RERE: variants seen among roughly 807,000 people sequenced by gnomAD.
The protein encoded by RERE is arginine-glutamic acid dipeptide repeats protein.
Under a neutral mutation model 146.1 loss-of-function variants are expected in RERE, and 40 were observed. That is an observed-to-expected ratio of 0.27 (90% CI 0.21 to 0.36). The LOEUF is 0.36. Among genes scored for constraint, RERE ranks in the 10% least tolerant of loss-of-function variants. RERE has a pLI of 1.00. For synonymous variants in RERE, 1,003 were observed against 866.0 expected, an observed-to-expected ratio of 1.16 and a Z score of -2.78; for missense variants, 1,933 against 2,138.7, an observed-to-expected ratio of 0.90 and a Z score of 1.90.
At chr1:8,382,729 TA>T (rs1366730446) in intron 12 of RERE, among the ~76,000 whole-genome samples, 2 of 152,088 alleles carry the variant, frequency 1.3e-5, no homozygotes, top group Admixed American at 1.3e-4. Flanking sequence ...GCAAATTCCC[TA>T]ACCTCTCTTG....
chr1:8,652,366 C>T (rs1647672725), intron 2 of RERE, among the ~76,000 whole-genome samples: 1 of 152,230 alleles, frequency 6.6e-6, no homozygotes, highest in South Asian at 2.1e-4. Context: ...CACTACCAGC[C>T]TCCACAAATA....
chr1:8,416,565 G>A (rs149875147), intron 12 of RERE, among the ~76,000 whole-genome samples: 6,587 of 127,174 alleles, frequency 0.052, 224 homozygotes, highest in Middle Eastern at 0.085. Context: ...CAGCCTGGGC[G>A]ACAGAGCGAG....
At chr1:8,500,501 T>G (rs924116604) in intron 8 of RERE, among the ~76,000 whole-genome samples, 1 of 152,194 alleles carries the variant, frequency 6.6e-6, no homozygotes, top group Non-Finnish European at 1.5e-5. Flanking sequence ...CGGAGTCTCG[T>G]TCACTCAGTG....
rs58647657 is a variant in RERE at position 8,507,737 on chromosome 1, C to CTTTTTTTTTTTTTTT, written c.879+875_879+889dup. Among the ~76,000 whole-genome samples, 83 of 85,942 alleles carry CTTTTTTTTTTTTTTT rather than the reference C, an allele frequency of 9.7e-4. 9 individuals are homozygous for CTTTTTTTTTTTTTTT. Among genetic ancestry groups the CTTTTTTTTTTTTTTT allele is most frequent in the African/African-American group, 2.3e-3 (47 of 20,032 alleles). 56.4% of individuals were successfully genotyped at this position (85,942 alleles called of 152,430 possible). ...AAAAGAGGTTTTAAACATCTTTTATCTTTTTTTTTTTTTTTTTTTGAGACA... is the reference window on the plus strand; with the variant it reads ...AAAAGAGGTTTTAAACATCTTTTATCTTTTTTTTTTTTTTTTTTTTTTTTTTTTTTTTTTGAGACA... On this transcript the variant is annotated intron_variant, in intron 8 of 22. Transcript: ENST00000400908.
chr1:8,387,136 C>T (rs903213300), intron 12 of RERE, among the ~76,000 whole-genome samples: 1 of 152,180 alleles, frequency 6.6e-6, no homozygotes, highest in Non-Finnish European at 1.5e-5. Flanking sequence ...GACAGAGAGA[C>T]CAACAGAACA....
chr1:8,656,788 A>T (rs902443337), intron 1 of RERE, among the ~76,000 whole-genome samples: 1 of 152,168 alleles, frequency 6.6e-6, no homozygotes, highest in African/African-American at 2.4e-5. Context: ...AACTCATAAT[A>T]TTAATTTAAA....
rs971868451 is a variant in RERE, at chr1:8,409,921, G to A, written c.1284+12806C>T. Among the ~76,000 whole-genome samples the A allele has an allele frequency of 1.3e-4, 19 of 149,634 alleles. No homozygotes were observed. The East Asian group carries it at 1.8e-3, about 14-fold the overall frequency. ...TTTGCTCAGGTCCATTCTAAGTGTC[G>A]AAATGGTGTAATTAATGGTTAGCCT... On this transcript the variant is annotated intron_variant, in intron 12 of 22. Transcript: ENST00000400908.
rs1434170631 is a variant in RERE at position 8,364,018 on chromosome 1, A to G, written c.1740+38T>C. 6.3e-7 allele frequency: 1 copy of G among 1,582,562 alleles called. No individual in the cohort carries two copies. The highest frequency in any genetic ancestry group is 8.7e-7 in the Non-Finnish European group (1 of 1,152,230). ...GCCCCCACACATCCCAGGAAACTGA[A>G]GAAGTTGCCAGGAGCCCCATGGCCC... On this transcript the variant is annotated intron_variant, in intron 15 of 22. Transcript: ENST00000400908. This position sits in a 1 kb window ranked among gnomAD's most constrained non-coding sequence, Gnocchi z 5.1.
chr1:8,373,904 T>C (rs1186977869), intron 12 of RERE, among the ~76,000 whole-genome samples: 1 of 152,204 alleles, frequency 6.6e-6, no homozygotes, highest in Non-Finnish European at 1.5e-5. Flanking sequence ...GTAACAACTC[T>C]GGTAATTAAA....
At chr1:8,635,028 C>T (rs540806801) in intron 2 of RERE, among the ~76,000 whole-genome samples, 64 of 152,340 alleles carry the variant, frequency 4.2e-4, no homozygotes, top group African/African-American at 1.4e-3. Flanking sequence ...AGCCACCGCG[C>T]CTGGCCTGAA....
intron 4 of RERE, among the ~76,000 whole-genome samples, chr1:8,590,297 C>T (rs1025049559): frequency 5.3e-5 from 8 of 152,022 alleles, no homozygotes; most frequent in East Asian, 3.8e-4. Flanking sequence ...AGGTGCCATT[C>T]GAACACCTGA....
chr1:8,393,657 C>T (rs1005990498), intron 12 of RERE, among the ~76,000 whole-genome samples: 1 of 152,114 alleles, frequency 6.6e-6, no homozygotes, highest in Admixed American at 6.5e-5. Context: ...TTTCTGTTAT[C>T]AATATTATTT....
chr1:8,457,648 A>G (rs1022220445), intron 11 of RERE, among the ~76,000 whole-genome samples: 9 of 151,914 alleles, frequency 5.9e-5, no homozygotes. Context: ...TGTCACCCAG[A>G]CTGGAGTGCA....
rs1569795425 is a variant in RERE, at chr1:8,786,715, G to C, written c.-145+30445C>G. The C allele has an allele frequency of 2.2e-5, 17 of 785,866 alleles. No homozygotes were observed. In the East Asian group the frequency reaches 4.1e-4, roughly 19 times the overall value. The allele number at this position is 785,866 out of a possible 1,614,324, so 48.7% of individuals were successfully genotyped here. The stretch of plus-strand genomic sequence containing the variant: ...TACACAGAAGTTGCCAGCTTTTCTT[G>C]CCATCCTTGCCATTCGAATTTCAGT... On this transcript the variant is annotated intron_variant, in intron 1 of 22. Coordinates refer to ENST00000400908, the MANE Select transcript of RERE (RefSeq NM_001042681.2).
At chr1:8,375,362 A>G (rs1462042718) in intron 12 of RERE, among the ~76,000 whole-genome samples, 1 of 152,252 alleles carries the variant, frequency 6.6e-6, no homozygotes, top group Admixed American at 6.5e-5. Context: ...AGTAAACAGA[A>G]AAAGTTCTTT....
chr1:8,734,525 A>T (rs1456312814), intron 1 of RERE, among the ~76,000 whole-genome samples: 1 of 152,186 alleles, frequency 6.6e-6, no homozygotes, highest in Non-Finnish European at 1.5e-5. Flanking sequence ...ATGAGGCAGC[A>T]CAAGGGGTGC....
intron 2 of RERE, among the ~76,000 whole-genome samples, chr1:8,647,229 T>C (rs532630925): frequency 1.3e-5 from 2 of 152,340 alleles, no homozygotes; most frequent in South Asian, 2.1e-4. Flanking sequence ...CACAGCCACA[T>C]TGTGTTTCCT....
chr1:8,512,050 G>A (rs371370490), intron 7 of RERE: 7 of 38,730 alleles, frequency 1.8e-4, no homozygotes, highest in South Asian at 1.5e-3. Context: ...TTTTTGAGAC[G>A]GAGTCTCGCT....
At position 8,360,183 on chromosome 1, in the gene RERE, A is replaced by T. The variant is rs1225958615; in HGVS notation, c.3324T>A (p.Pro1108=). The change falls in exon 18 of 23, where the codon CCT becomes CCA. Residue 1108 remains proline, a synonymous_variant. Transcript: ENST00000400908. ...LDDAEEPESP[P]PPPRSPSPEP... is the part of the protein sequence containing the mutation. ...CCGGGGACGGGCTCCTTGGTGGGGG[A>T]GGGGGGCTCTCAGGCTCCTCAGCGT... The T allele has an allele frequency of 8.8e-6, 14 of 1,596,388 alleles. No homozygotes were observed. Among genetic ancestry groups the T allele is most frequent in the African/African-American group, 1.3e-5 (1 of 74,122 alleles).
Sources: allele counts gnomAD v4.1 joint callset (sites outside exome capture counted in the v4.1 genomes callset), GRCh38; gene constraint gnomAD v4.1.1; non-coding constraint Gnocchi (gnomAD v3.1); transcripts MANE v1.5; gene names NCBI Gene and HGNC (gene_info 2026-07-23, HGNC 2026-07-21).